Variants in CUL9 observed in about 807,000 individuals in gnomAD.
CUL9 encodes the protein cullin-9.
In CUL9, 79 loss-of-function variants were observed where a neutral mutation model predicts 272.6. The observed-to-expected ratio is 0.29, with a 90% CI of 0.24 to 0.35. CUL9 has a LOEUF of 0.35. Ranked by LOEUF, CUL9 falls within the 10% of genes least tolerant of loss-of-function variation. CUL9 has a pLI of 1.00. For missense variants in CUL9, 2,532 were observed against 3,255.6 expected, an observed-to-expected ratio of 0.78 and a Z score of 5.41; for synonymous variants, 1,186 against 1,286.5, an observed-to-expected ratio of 0.92 and a Z score of 1.67.
At position 43,199,885 on chromosome 6, in the gene CUL9, A is replaced by T; in HGVS notation, c.3157-44A>T. 1 of 1,485,226 alleles carries T rather than the reference A, an allele frequency of 6.7e-7. No individual in the cohort carries two copies. The highest frequency in any genetic ancestry group is 9.4e-7 in the Non-Finnish European group (1 of 1,064,162). 92.0% of individuals were successfully genotyped at this position (1,485,226 alleles called of 1,614,324 possible). A position where few individuals can be genotyped will look rare whatever the true frequency, so the allele number is the denominator to read the frequency against. Reference sequence around the variant, plus strand: ...CCTCTCCTCAATCCTTACATGTCCTACCTCTTGTTTCCTGTAAATTAATCT... The same window carrying T: ...CCTCTCCTCAATCCTTACATGTCCTTCCTCTTGTTTCCTGTAAATTAATCT... On this transcript the variant is annotated intron_variant, in intron 13 of 40. Coordinates refer to ENST00000252050, the MANE Select transcript of CUL9 (RefSeq NM_015089.4). This position sits in a 1 kb window ranked among gnomAD's most constrained non-coding sequence, Gnocchi z 4.4.
chr6:43,213,486 C>G lies in CUL9; in HGVS notation c.5407C>G (p.Leu1803Val). ...LLKDSDLSPE[L>V]LLQALVPLTS... ...GAAGGATTCTGACCTCTCCCCAGAG[C>G]TGCTGCTCCAGGCACTCGTGCCCCT... The change falls in exon 28 of 41, where the codon CTG (leucine) becomes GTG (valine). Residue 1803 changes from leucine to valine, a missense_variant. Physicochemically the swap from Leu to Val is conservative, Grantham distance 32 (BLOSUM62 1). Around this residue, in one of 3 missense-constraint regions of CUL9, gnomAD observed 2,218 missense variants for 2,788.6 expected, o/e 0.80. Coordinates refer to ENST00000252050, the MANE Select transcript of CUL9 (RefSeq NM_015089.4). This position sits in a 1 kb window ranked among gnomAD's most constrained non-coding sequence, Gnocchi z 5.7. 1 of 1,614,100 alleles carries G rather than the reference C, an allele frequency of 6.2e-7. No individual in the cohort carries two copies. The highest frequency in any genetic ancestry group is 2.2e-5 in the East Asian group (1 of 44,854).
chr6:43,223,234 A>C lies in CUL9; in HGVS notation c.7151-30A>C. 1 of 1,572,966 alleles carries C rather than the reference A, an allele frequency of 6.4e-7. No individual in the cohort carries two copies. The highest frequency in any genetic ancestry group is 1.2e-5 in the South Asian group (1 of 86,352). On this transcript the variant is annotated intron_variant, in intron 38 of 40. Coordinates refer to ENST00000252050, the MANE Select transcript of CUL9 (RefSeq NM_015089.4). The surrounding 1 kb of genome is among the most constrained non-coding windows in gnomAD (Gnocchi z 4.1). ...AAGGAATGGATGAGAATGAGAAGGGAGGGAGCCTCTGTGCCTGCCCCCTCT... is the reference window on the plus strand; with the variant it reads ...AAGGAATGGATGAGAATGAGAAGGGCGGGAGCCTCTGTGCCTGCCCCCTCT...
rs775795878 is a variant in CUL9, at chr6:43,205,444, A to AT, written c.4793+22dup. 15 of 1,607,558 alleles carry AT rather than the reference A, an allele frequency of 9.3e-6. No individual in the cohort carries two copies. In the South Asian group the frequency reaches 1.6e-4, roughly 18 times the overall value. The stretch of plus-strand genomic sequence containing the variant: ...TATCAGTGAGTGCAGGTCTGGAGGC[A>AT]TAGGGGATGGGAGGCCTAGATCTAG... On this transcript the variant is annotated intron_variant, in intron 24 of 40. Coordinates refer to ENST00000252050, the MANE Select transcript of CUL9 (RefSeq NM_015089.4).
rs986908226 is a variant in CUL9, at chr6:43,206,069, A to T, written c.4856A>T (p.Glu1619Val). The T allele has an allele frequency of 2.5e-6, 4 of 1,614,034 alleles. No homozygotes were observed. The highest frequency in any genetic ancestry group is 3.4e-6 in the Non-Finnish European group (4 of 1,180,042). ...AGCTGGCTGGAGGGGGCTGTGCTAG[A>T]GCAGATTGGCCTCTGTTTTCCCAAC... ...GSSWLEGAVL[E>V]QIGLCFPNRL... Residue 1619 changes from glutamate (E) to valine (V), a missense_variant, in exon 25 of 41, where the codon GAG (glutamate) becomes GTG (valine). This residue lies in a region of CUL9 where 2,218 missense variants were observed against 2,788.6 expected (regional missense o/e 0.80). Transcript: ENST00000252050. The surrounding 1 kb of genome is among the most constrained non-coding windows in gnomAD (Gnocchi z 4.8).
chr6:43,217,731 A>C (rs1776040779), intron 31 of CUL9, among the ~76,000 whole-genome samples: 1 of 152,022 alleles, frequency 6.6e-6, no homozygotes, highest in Non-Finnish European at 1.5e-5. Context: ...CCTTTTCCCC[A>C]GGTTCTTAAT....
chr6:43,224,541 C>G lies in CUL9; in HGVS notation c.*96C>G, dbSNP rs1014662274. 8 of 1,146,284 alleles carry G rather than the reference C, an allele frequency of 7.0e-6. No individual in the cohort carries two copies. The African/African-American group carries it at 9.4e-5, about 13-fold the overall frequency. 71.0% of individuals were successfully genotyped at this position (1,146,284 alleles called of 1,614,324 possible). ...TCATAGGGAGGGGGATTCCCAGCGT[C>G]TGTAGTGCTTCCTGTTTGCTGAATA... On this transcript the variant is annotated 3_prime_UTR_variant, in exon 41 of 41. Coordinates refer to ENST00000252050, the MANE Select transcript of CUL9 (RefSeq NM_015089.4). The surrounding 1 kb of genome is among the most constrained non-coding windows in gnomAD (Gnocchi z 4.2).
In CUL9 at chr6:43,203,413, C is replaced by T; in HGVS notation, c.3850-4C>T. 2 of 1,613,668 alleles carry T rather than the reference C, an allele frequency of 1.2e-6. No homozygotes were observed. The highest frequency in any genetic ancestry group is 1.7e-6 in the Non-Finnish European group (2 of 1,179,844). On this transcript the variant is annotated splice_polypyrimidine_tract_variant and splice_region_variant and intron_variant, in intron 18 of 40. Coordinates refer to ENST00000252050, the MANE Select transcript of CUL9 (RefSeq NM_015089.4). The surrounding 1 kb of genome is among the most constrained non-coding windows in gnomAD (Gnocchi z 5.0). ...GGTGACAGATAAGTCTGTGCATGTTCCAGGGCGGCATTGACACCCGGGTTC... is the reference window on the plus strand; with the variant it reads ...GGTGACAGATAAGTCTGTGCATGTTTCAGGGCGGCATTGACACCCGGGTTC...
At chr6:43,211,376 G>A (rs1448013370) in intron 26 of CUL9, among the ~76,000 whole-genome samples, 4 of 152,130 alleles carry the variant, frequency 2.6e-5, no homozygotes, top group Admixed American at 2.6e-4. Flanking sequence ...TGGCCAAGAT[G>A]GCGAAACCCT....
intron 26 of CUL9, among the ~76,000 whole-genome samples, chr6:43,207,122 G>A (rs1448297972): frequency 6.6e-6 from 1 of 152,176 alleles, no homozygotes; most frequent in Non-Finnish European, 1.5e-5. Flanking sequence ...CGGCCAAAAA[G>A]ATTTTTTAGA....
Position 43,224,034 on chromosome 6 carries a change from G to A in CUL9, c.7285-61G>A. 1 of 1,511,620 alleles carries A rather than the reference G, an allele frequency of 6.6e-7. No homozygotes were observed. The highest frequency in any genetic ancestry group is 9.2e-7 in the Non-Finnish European group (1 of 1,086,906). 93.6% of individuals were successfully genotyped at this position (1,511,620 alleles called of 1,614,324 possible). ...CTCCCAGAGCATCAGTGGAAGGAAT[G>A]CTGGGTCCAAAGGCCCCATGCCCTC... On this transcript the variant is annotated intron_variant, in intron 39 of 40. Transcript: ENST00000252050. The surrounding 1 kb of genome is among the most constrained non-coding windows in gnomAD (Gnocchi z 4.2).
At position 43,184,889 on chromosome 6, in the gene CUL9, G is replaced by A. The variant is rs770676984; in HGVS notation, c.579G>A (p.Leu193=). ...RRSAGKMLQA[L]AAHDAGSRAH... is the part of the protein sequence containing the mutation. ...GTGCAGGCAAAATGCTGCAGGCTCTGGCAGCCCACGATGCTGGTAAGAGAC... is the reference window on the plus strand; with the variant it reads ...GTGCAGGCAAAATGCTGCAGGCTCTAGCAGCCCACGATGCTGGTAAGAGAC... The change falls in exon 2 of 41, where the codon CTG becomes CTA. Residue 193 remains leucine, a synonymous_variant. Transcript: ENST00000252050. This position sits in a 1 kb window ranked among gnomAD's most constrained non-coding sequence, Gnocchi z 4.8. 5 of 1,594,112 alleles carry A rather than the reference G, an allele frequency of 3.1e-6. No homozygotes were observed. Among genetic ancestry groups the A allele is most frequent in the Admixed American group, 1.7e-5 (1 of 59,846 alleles).
Position 43,203,586 on chromosome 6 carries a change from G to A in CUL9, c.4019G>A (p.Cys1340Tyr). 1 of 1,612,962 alleles carries A rather than the reference G, an allele frequency of 6.2e-7. No individual in the cohort carries two copies. Among genetic ancestry groups the A allele is most frequent in the Non-Finnish European group, 8.5e-7 (1 of 1,179,824 alleles). ...GACCACCGGCGCCTCCTCCAGCTCT[G>A]TCCCAGGTGGGTGGGGCCTGAGGAG... The part of the protein sequence containing the change: ...AEDHRRLLQL[C>Y]PRLNRVLRHE... The change falls in exon 19 of 41, where the codon TGT becomes TAT. Residue 1340 changes from cysteine to tyrosine, a missense_variant. Physicochemically the swap from Cys to Tyr is radical, Grantham distance 194. Around this residue, in one of 3 missense-constraint regions of CUL9, gnomAD observed 2,218 missense variants for 2,788.6 expected, o/e 0.80. Coordinates refer to ENST00000252050, the MANE Select transcript of CUL9 (RefSeq NM_015089.4). This position sits in a 1 kb window ranked among gnomAD's most constrained non-coding sequence, Gnocchi z 5.0.
chr6:43,185,717 T>A, intron 3 of CUL9, 107 bp downstream of exon 3: 1 of 1,356,088 alleles, frequency 7.4e-7, no homozygotes, highest in East Asian at 2.5e-5. Flanking sequence ...GGGAACTTGT[T>A]AACATGAAGG....
chr6:43,199,384 T>C lies in CUL9; in HGVS notation c.3156+13T>C, dbSNP rs1774324947. On this transcript the variant is annotated intron_variant, in intron 13 of 40. Coordinates refer to ENST00000252050, the MANE Select transcript of CUL9 (RefSeq NM_015089.4). This position sits in a 1 kb window ranked among gnomAD's most constrained non-coding sequence, Gnocchi z 4.4. ...CAGTGACTCCGAGGTACCAGAACCC[T>C]GGCAAGGAGAAGAGAGGGAAGGGCA... 6.2e-7 allele frequency: 1 copy of C among 1,604,266 alleles called. No individual in the cohort carries two copies. Among genetic ancestry groups the C allele is most frequent in the African/African-American group, 1.3e-5 (1 of 74,800 alleles).
chr6:43,205,495 G>C, intron 24 of CUL9, 72 bp downstream of exon 24: 1 of 1,528,746 alleles, frequency 6.5e-7, no homozygotes. Flanking sequence ...GAGTCTTATA[G>C]GGGAGATGAG....
chr6:43,205,863 A>G (rs1328322872), intron 24 of CUL9, 144 bp from the exon 25 acceptor site: 48 of 630,012 alleles, frequency 7.6e-5, no homozygotes, highest in South Asian at 1.5e-4. Context: ...GTGGTCATGC[A>G]TTGGTGGAAA....
At chr6:43,219,175 C>G (rs1182812652) in intron 31 of CUL9, among the ~76,000 whole-genome samples, 1 of 150,930 alleles carries the variant, frequency 6.6e-6, no homozygotes, top group East Asian at 1.9e-4. Context: ...GGTGACAAAG[C>G]GAGACTTTGT....
chr6:43,198,444 T>C, intron 11 of CUL9, 165 bp from the exon 12 acceptor site: 1 of 985,304 alleles, frequency 1.0e-6, no homozygotes, highest in Non-Finnish European at 1.2e-6. Context: ...AGGTTTGTAT[T>C]TGGGGTCAGG....
chr6:43,199,255 C>T lies in CUL9; in HGVS notation c.3051-11C>T. The T allele has an allele frequency of 1.2e-6, 2 of 1,607,866 alleles. No homozygotes were observed. The highest frequency in any genetic ancestry group is 1.1e-5 in the South Asian group (1 of 90,920). On this transcript the variant is annotated splice_polypyrimidine_tract_variant and intron_variant, in intron 12 of 40. Transcript: ENST00000252050. The surrounding 1 kb of genome is among the most constrained non-coding windows in gnomAD (Gnocchi z 4.4). The stretch of plus-strand genomic sequence containing the variant: ...CTGGCCTGACTTCACTCGTTTCTAC[C>T]CCCTCACCAGGGTCATAACCCGACT...
Sources: allele counts gnomAD v4.1 joint callset (sites outside exome capture counted in the v4.1 genomes callset), GRCh38; gene constraint gnomAD v4.1.1; regional missense constraint gnomAD v4.1.1; non-coding constraint Gnocchi (gnomAD v3.1); transcripts MANE v1.5; gene names NCBI Gene and HGNC (gene_info 2026-07-23, HGNC 2026-07-21).